MSRA: variants seen among roughly 807,000 people sequenced by gnomAD.
MSRA encodes the protein methionine sulfoxide reductase A, also known as mitochondrial peptide methionine sulfoxide reductase.
MSRA carries 54 observed loss-of-function variants against 31.3 expected under a neutral mutation model. The ratio of observed to expected loss-of-function variants is 1.73; its 90% confidence interval spans 1.39 to 2.17. MSRA has a LOEUF of 2.17. Ranked by LOEUF, MSRA falls within the 30% of genes most tolerant of loss-of-function variation. The pLI, the probability that MSRA is intolerant of heterozygous loss-of-function variation, is 0.00. For missense variants in MSRA, 507 were observed against 300.9 expected, an observed-to-expected ratio of 1.69 and a Z score of -5.07; for synonymous variants, 169 against 116.5, an observed-to-expected ratio of 1.45 and a Z score of -2.90.
chr8:10,099,405 A>C (rs1203416315), intron 1 of MSRA, among the ~76,000 whole-genome samples: 1 of 152,152 alleles, frequency 6.6e-6, no homozygotes. Flanking sequence ...GCCCATAGGA[A>C]TTCCTAGTGT....
At chr8:10,193,237 A>G (rs1205593566) in intron 1 of MSRA, among the ~76,000 whole-genome samples, 1 of 152,192 alleles carries the variant, frequency 6.6e-6, no homozygotes, top group Non-Finnish European at 1.5e-5. Context: ...TCTGATCAGA[A>G]TTAGCACATG....
chr8:10,223,404 A>G (rs1810699996), intron 2 of MSRA, among the ~76,000 whole-genome samples: 1 of 152,208 alleles, frequency 6.6e-6, no homozygotes, highest in Admixed American at 6.5e-5. Flanking sequence ...ATAAGACTAT[A>G]ATGTATCGAT....
chr8:10,131,096 T>C (rs991929181), intron 1 of MSRA, among the ~76,000 whole-genome samples: 15 of 152,216 alleles, frequency 9.9e-5, no homozygotes, highest in Non-Finnish European at 1.5e-4. Context: ...TTCCTTTGTT[T>C]CTTATTTATT....
chr8:10,164,164 G>T (rs901972874), intron 1 of MSRA, among the ~76,000 whole-genome samples: 1 of 152,236 alleles, frequency 6.6e-6, no homozygotes, highest in Non-Finnish European at 1.5e-5. Context: ...TGGACCTAAA[G>T]AGAAAAGTCT....
At chr8:10,302,786 A>G (rs1040385615) in intron 4 of MSRA, among the ~76,000 whole-genome samples, 9 of 152,320 alleles carry the variant, frequency 5.9e-5, no homozygotes, top group Admixed American at 5.2e-4. Context: ...CATGACCACA[A>G]AGTCTGGTTT....
intron 5 of MSRA, among the ~76,000 whole-genome samples, chr8:10,345,656 A>G (rs935975306): frequency 6.6e-6 from 1 of 152,248 alleles, no homozygotes; most frequent in African/African-American, 2.4e-5. Context: ...ATGAGATGCT[A>G]AACATCTCTG....
At chr8:10,300,500 C>A (rs972803764) in intron 3 of MSRA, among the ~76,000 whole-genome samples, 1 of 152,152 alleles carries the variant, frequency 6.6e-6, no homozygotes, top group Non-Finnish European at 1.5e-5. Context: ...AAGTGATCCG[C>A]CTGCCTTGGC....
At chr8:10,366,203 T>C (rs1407685088) in intron 5 of MSRA, among the ~76,000 whole-genome samples, 2 of 152,212 alleles carry the variant, frequency 1.3e-5, no homozygotes, top group Non-Finnish European at 2.9e-5. Flanking sequence ...AGAAGAGGCT[T>C]CATGTTTCGT....
rs17151711 is a variant in MSRA, at chr8:10,315,812, G to C, written c.437-4071G>C. Among the ~76,000 whole-genome samples, 959 of 152,264 alleles carry C rather than the reference G, an allele frequency of 6.3e-3. 4 individuals carry two copies. Among genetic ancestry groups the C allele is most frequent in the Admixed American group, 9.3e-3 (143 of 15,296 alleles). ...TTATTTGGCCAAACTTGGGATTTTA[G>C]AACATAAACAGACATGGAGTCCCAA... On this transcript the variant is annotated intron_variant, in intron 4 of 5. Coordinates refer to ENST00000317173, the MANE Select transcript of MSRA (RefSeq NM_012331.5).
chr8:10,078,301 G>T (rs1329545753), intron 1 of MSRA, among the ~76,000 whole-genome samples: 2 of 152,210 alleles, frequency 1.3e-5, no homozygotes, highest in African/African-American at 2.4e-5. Flanking sequence ...CCATGGTAGA[G>T]ACCAGGATGG....
chr8:10,296,627 T>C (rs1445266182), intron 3 of MSRA, among the ~76,000 whole-genome samples: 2 of 152,214 alleles, frequency 1.3e-5, no homozygotes, highest in Non-Finnish European at 2.9e-5. Flanking sequence ...TAATATAAGA[T>C]GTAGAGACTT....
intron 1 of MSRA, chr8:10,096,145 G>C: frequency 1.6e-6 from 2 of 1,241,000 alleles, no homozygotes; most frequent in South Asian, 5.4e-5. Context: ...CAGGAAGTCA[G>C]AGTAAAAGTT....
intron 1 of MSRA, among the ~76,000 whole-genome samples, chr8:10,134,810 C>T (rs182388121): frequency 3.3e-5 from 5 of 152,340 alleles, no homozygotes; most frequent in Admixed American, 6.5e-5. Context: ...TTTGATTAAA[C>T]ATGCCGTTGC....
At chr8:10,237,494 T>G (rs1231199758) in intron 2 of MSRA, among the ~76,000 whole-genome samples, 3 of 152,270 alleles carry the variant, frequency 2.0e-5, no homozygotes, top group Non-Finnish European at 4.4e-5. Context: ...TAAAATTCTA[T>G]TTAAAAATTT....
chr8:10,387,343 G>T (rs767981680), intron 5 of MSRA, among the ~76,000 whole-genome samples: 2 of 152,156 alleles, frequency 1.3e-5, no homozygotes, highest in Non-Finnish European at 2.9e-5. Context: ...CCCCTTGAAG[G>T]TTTGAATCTG....
intron 5 of MSRA, among the ~76,000 whole-genome samples, chr8:10,421,729 T>C (rs746613966): frequency 3.6e-4 from 55 of 152,128 alleles, no homozygotes; most frequent in Non-Finnish European, 5.6e-4. Flanking sequence ...TTTTCGTGCA[T>C]CTGTGGTGTT....
intron 3 of MSRA, among the ~76,000 whole-genome samples, chr8:10,260,028 G>C (rs564554855): frequency 6.6e-6 from 1 of 152,264 alleles, no homozygotes; most frequent in Non-Finnish European, 1.5e-5. Context: ...ATGCATCAGA[G>C]GGAGCAGTTC....
In MSRA at chr8:10,256,143, C is replaced by G. The variant is rs73662811; in HGVS notation, c.331+10920C>G. 6.0e-3 allele frequency among the ~76,000 whole-genome samples: 912 copies of G among 152,292 alleles called. 12 individuals carry two copies. The highest frequency in any genetic ancestry group is 0.02 in the African/African-American group (811 of 41,542). ...AGCCTATTCAGCCCATCCTCCCCCC[C>G]CAACCCCTGGCAACTGCTGATCTTT... On this transcript the variant is annotated intron_variant, in intron 3 of 5. Coordinates refer to ENST00000317173, the MANE Select transcript of MSRA (RefSeq NM_012331.5).
chr8:10,152,513 TG>T (rs1803784317), intron 1 of MSRA, among the ~76,000 whole-genome samples: 1 of 152,168 alleles, frequency 6.6e-6, no homozygotes, highest in Admixed American at 6.5e-5. Context: ...GATTTCAGGA[TG>T]GATATTTAGA....
Sources: gnomAD v4.1 joint callset for allele counts (sites outside exome capture counted in the v4.1 genomes callset) on GRCh38, gnomAD v4.1.1 for gene constraint, MANE v1.5 for transcripts, NCBI Gene and HGNC (gene_info 2026-07-23, HGNC 2026-07-21) for gene names.